Variants in DISC1 observed in about 807,000 individuals in gnomAD.
DISC1 encodes DISC1 scaffold protein, also known as disrupted in schizophrenia 1 protein.
Under a neutral mutation model 84.5 loss-of-function variants are expected in DISC1, and 57 were observed. The observed-to-expected ratio is 0.67, with a 90% CI of 0.55 to 0.84. DISC1 has a LOEUF of 0.84. Among genes scored for constraint, DISC1 ranks in the 40% least tolerant of loss-of-function variants. The probability of loss-of-function intolerance (pLI) is 0.00; values close to 1 mark genes in which losing one functional copy is unlikely to be tolerated. For missense variants in DISC1, 1,000 were observed against 1,057.8 expected (o/e 0.95, Z 0.76); for synonymous variants, 411 against 415.2 (o/e 0.99, Z 0.12).
chr1:231,655,337 G>A lies in DISC1; in HGVS notation c.67+28403G>A, dbSNP rs189963871. Among the ~76,000 whole-genome samples, 543 of 152,298 alleles carry A rather than the reference G, an allele frequency of 3.6e-3. 4 individuals are homozygous for A. Among genetic ancestry groups the A allele is most frequent in the African/African-American group, 0.013 (524 of 41,562 alleles). ...TAGCTTAGCTCCCATTTACCAATGA[G>A]AAAGTACAGTGTTTGGTTTTCCACT... is the stretch of plus-strand genomic sequence containing the variant. On this transcript the variant is annotated intron_variant, in intron 1 of 12. Transcript: ENST00000439617.
rs1463897223 is a variant in DISC1 at position 231,631,161 on chromosome 1, G to A, written c.67+4227G>A. ...AAAACACCAGTTGGCTAAACTCCTTGTGTTCTGGCAGGTAAGATGTCGGCA... is the reference window on the plus strand; with the variant it reads ...AAAACACCAGTTGGCTAAACTCCTTATGTTCTGGCAGGTAAGATGTCGGCA... On this transcript the variant is annotated intron_variant, in intron 1 of 12. Coordinates refer to ENST00000439617, the MANE Select transcript of DISC1 (RefSeq NM_018662.3). Among the ~76,000 whole-genome samples the A allele has an allele frequency of 1.1e-4, 17 of 152,230 alleles. 1 individual carries two copies. Among genetic ancestry groups the A allele is most frequent in the Admixed American group, 1.1e-3 (17 of 15,280 alleles).
intron 9 of DISC1, among the ~76,000 whole-genome samples, chr1:231,858,936 T>C (rs2084448349): frequency 6.6e-6 from 1 of 152,214 alleles, no homozygotes; most frequent in East Asian, 1.9e-4. Flanking sequence ...TCTGGAAAAG[T>C]CTGCAAAATC....
intron 1 of DISC1, among the ~76,000 whole-genome samples, chr1:231,692,862 A>G (rs1023026752): frequency 5.9e-5 from 9 of 152,222 alleles, no homozygotes; most frequent in Non-Finnish European, 1.3e-4. Context: ...ATTGATTCAC[A>G]TGGTTTTGGT....
At chr1:231,866,401 G>T in intron 9 of DISC1, 1 of 656,126 alleles carries the variant, frequency 1.5e-6, no homozygotes, top group South Asian at 1.8e-5. Context: ...AAGCAGAAAT[G>T]TAACAATTCT....
intron 3 of DISC1, among the ~76,000 whole-genome samples, chr1:231,740,558 C>T (rs2073120297): frequency 6.6e-6 from 1 of 152,184 alleles, no homozygotes; most frequent in Admixed American, 6.5e-5. Context: ...CTTTGTTCTG[C>T]AGCGCACATG....
chr1:231,820,914 T>G (rs1024058714), intron 9 of DISC1, among the ~76,000 whole-genome samples: 1 of 152,214 alleles, frequency 6.6e-6, no homozygotes, highest in Non-Finnish European at 1.5e-5. Flanking sequence ...ATTTGCAGTC[T>G]TAGGGAACAA....
At chr1:231,758,972 G>A (rs1278568147) in intron 4 of DISC1, among the ~76,000 whole-genome samples, 2 of 152,156 alleles carry the variant, frequency 1.3e-5, no homozygotes, top group Non-Finnish European at 2.9e-5. Flanking sequence ...TTTCCCAGGG[G>A]ATAACCTCAA....
At chr1:231,797,695 A>G (rs2078867805) in intron 7 of DISC1, among the ~76,000 whole-genome samples, 1 of 152,190 alleles carries the variant, frequency 6.6e-6, no homozygotes, top group Non-Finnish European at 1.5e-5. Context: ...CTGGGGGGAA[A>G]AAAACATCTC....
In DISC1 at chr1:231,851,271, A is replaced by G. The variant is rs112002575; in HGVS notation, c.1981+32754A>G. 5.3e-5 allele frequency among the ~76,000 whole-genome samples: 8 copies of G among 152,294 alleles called. 1 individual carries two copies. The highest frequency in any genetic ancestry group is 1.9e-4 in the African/African-American group (8 of 41,568). ...CAATCCAGTGGTTATATGGGTGGCT[A>G]TTGACTTTCAGATTCACGGCACTGT... On this transcript the variant is annotated intron_variant, in intron 9 of 12. Transcript: ENST00000439617.
rs1658999363 is a variant in DISC1, at chr1:231,954,250, C to A, written c.1982-4578C>A. On this transcript the variant is annotated intron_variant, in intron 9 of 12. Coordinates refer to ENST00000439617, the MANE Select transcript of DISC1 (RefSeq NM_018662.3). The surrounding 1 kb of genome is among the most constrained non-coding windows in gnomAD (Gnocchi z 4.8). ...TGGTCCCACAGCTATCTCTGTGTCC[C>A]TGGAAGCCGTGTCCTTTTTCTATTT... Among the ~76,000 whole-genome samples the A allele has an allele frequency of 6.6e-6, 1 of 152,158 alleles. No individual in the cohort carries two copies. Among genetic ancestry groups the A allele is most frequent in the Non-Finnish European group, 1.5e-5 (1 of 68,028 alleles).
At position 231,685,480 on chromosome 1, in the gene DISC1, T is replaced by A. The variant is rs181008302; in HGVS notation, c.68-8346T>A. On this transcript the variant is annotated intron_variant, in intron 1 of 12. Transcript: ENST00000439617. ...ATTGTATTTTTTTTTTGAGACAGAGTCTCGCTCTGTTGCCCAGGCTGGAAT... is the reference window on the plus strand; with the variant it reads ...ATTGTATTTTTTTTTTGAGACAGAGACTCGCTCTGTTGCCCAGGCTGGAAT... 2.8e-3 allele frequency among the ~76,000 whole-genome samples: 419 copies of A among 151,768 alleles called. 6 individuals are homozygous for A. Among genetic ancestry groups the A allele is most frequent in the African/African-American group, 9.7e-3 (401 of 41,358 alleles).
At chr1:231,938,070 C>T (rs1415651716) in intron 9 of DISC1, among the ~76,000 whole-genome samples, 1 of 152,038 alleles carries the variant, frequency 6.6e-6, no homozygotes, top group African/African-American at 2.4e-5. Flanking sequence ...TTGGTTCTGT[C>T]CCCAGCTGGG....
intron 9 of DISC1, among the ~76,000 whole-genome samples, chr1:231,909,722 G>C (rs2089024748): frequency 6.6e-6 from 1 of 152,078 alleles, no homozygotes; most frequent in South Asian, 2.1e-4. Context: ...TTTTTCTATT[G>C]ATTGGAATAG....
intron 9 of DISC1, among the ~76,000 whole-genome samples, chr1:231,882,968 ACACAAG>A: frequency 6.6e-6 from 1 of 151,894 alleles, no homozygotes; most frequent in East Asian, 2.0e-4. Flanking sequence ...GTTGGAGAGA[ACACAAG>A]CACAAGCATA....
At chr1:231,759,525 A>AC (rs1248775200) in intron 4 of DISC1, among the ~76,000 whole-genome samples, 28 of 107,404 alleles carry the variant, frequency 2.6e-4, no homozygotes, top group Non-Finnish European at 4.4e-4. Flanking sequence ...CCCCATCTCT[A>AC]CAAAAAAAAA....
intron 6 of DISC1, among the ~76,000 whole-genome samples, chr1:231,776,921 C>A (rs1001483075): frequency 2.6e-5 from 4 of 152,186 alleles, no homozygotes; most frequent in Admixed American, 6.5e-5. Context: ...CCCATTAATG[C>A]TCTTGCCCCG....
Position 231,999,613 on chromosome 1 carries a change from C to G in DISC1, c.2043-9172C>G, listed in dbSNP as rs1283956783. Reference sequence around the variant, plus strand: ...TTCTCCTCTCCCCTCCCTGCCCCACCAGGGGCAAGGGGAATTCTGCCACAG... The same window carrying G: ...TTCTCCTCTCCCCTCCCTGCCCCACGAGGGGCAAGGGGAATTCTGCCACAG... On this transcript the variant is annotated intron_variant, in intron 10 of 12. Coordinates refer to ENST00000439617, the MANE Select transcript of DISC1 (RefSeq NM_018662.3). Among the ~76,000 whole-genome samples, 4 of 152,310 alleles carry G rather than the reference C, an allele frequency of 2.6e-5. No homozygotes were observed. The South Asian group carries it at 8.3e-4, about 32-fold the overall frequency.
chr1:232,016,094 C>A (rs112749644), intron 11 of DISC1, among the ~76,000 whole-genome samples: 169 of 152,308 alleles, frequency 1.1e-3, no homozygotes, highest in Non-Finnish European at 1.2e-3. Flanking sequence ...GGGTGGGAAG[C>A]AAGCTCTCAC....
chr1:231,832,194 G>C (rs1234934028), intron 9 of DISC1, among the ~76,000 whole-genome samples: 1 of 152,022 alleles, frequency 6.6e-6, no homozygotes, highest in East Asian at 1.9e-4. Flanking sequence ...GTGTGAGGAA[G>C]AAAATAGATT....
Sources: allele counts gnomAD v4.1 joint callset (sites outside exome capture counted in the v4.1 genomes callset), GRCh38; gene constraint gnomAD v4.1.1; non-coding constraint Gnocchi (gnomAD v3.1); transcripts MANE v1.5; gene names NCBI Gene and HGNC (gene_info 2026-07-23, HGNC 2026-07-21).